Variants in CLOCK observed in about 807,000 individuals in gnomAD.
The protein encoded by CLOCK is circadian locomoter output cycles protein kaput.
CLOCK carries 43 observed loss-of-function variants against 118.4 expected under a neutral mutation model. The observed-to-expected ratio is 0.36, with a 90% CI of 0.28 to 0.47. The LOEUF is 0.47. CLOCK is among the 20% of genes least tolerant of loss of function. CLOCK has a pLI of 1.00. For synonymous variants in CLOCK, 326 were observed against 339.2 expected (o/e 0.96, Z 0.43); for missense variants, 846 against 999.9 (o/e 0.85, Z 2.08).
At chr4:55,544,041 G>T (rs548139837) in intron 1 of CLOCK, among the ~76,000 whole-genome samples, 8 of 152,078 alleles carry the variant, frequency 5.3e-5, no homozygotes, top group African/African-American at 1.9e-4. Context: ...GAGTTTGAGG[G>T]TCCCCTCCCA....
intron 2 of CLOCK, among the ~76,000 whole-genome samples, chr4:55,504,516 T>A (rs1014258021): frequency 6.6e-6 from 1 of 152,128 alleles, no homozygotes; most frequent in Non-Finnish European, 1.5e-5. Flanking sequence ...ATTCTTGAAT[T>A]TCCTTCAAAA....
intron 3 of CLOCK, among the ~76,000 whole-genome samples, chr4:55,487,863 G>C (rs1057111254): frequency 6.6e-6 from 1 of 152,186 alleles, no homozygotes; most frequent in Non-Finnish European, 1.5e-5. Flanking sequence ...CCCTTTTGCA[G>C]TCCCAAATTT....
intron 1 of CLOCK, among the ~76,000 whole-genome samples, chr4:55,517,976 G>C (rs1208087512): frequency 6.6e-6 from 1 of 152,086 alleles, no homozygotes; most frequent in African/African-American, 2.4e-5. Flanking sequence ...GTGGGGGGTG[G>C]GGAGTCGGAT....
rs1172188044 is a variant in CLOCK, at chr4:55,429,432, AATATTCCAAC to A, written c.*5973_*5982del. On this transcript the variant is annotated 3_prime_UTR_variant, in exon 23 of 23. Coordinates refer to ENST00000513440, the MANE Select transcript of CLOCK (RefSeq NM_004898.4). ...AGGATCCTCAAATGTCTAGGTTTCC[AATATTCCAAC>A]ACTGCTTTACTGGGCAGTGCTGTGT... The A allele has an allele frequency of 6.6e-6, 1 of 152,148 alleles. No homozygotes were observed. Among genetic ancestry groups the A allele is most frequent in the Non-Finnish European group, 1.5e-5 (1 of 68,026 alleles). The allele number at this position is 152,148 out of a possible 1,614,324, so 9.4% of individuals were successfully genotyped here.
chr4:55,472,584 T>C (rs932853659), intron 7 of CLOCK, among the ~76,000 whole-genome samples: 1 of 152,184 alleles, frequency 6.6e-6, no homozygotes, highest in Non-Finnish European at 1.5e-5. Context: ...ATAGGAACCA[T>C]GTATATCTTA....
chr4:55,458,356 C>G (rs1039555949), intron 11 of CLOCK, among the ~76,000 whole-genome samples: 1 of 152,200 alleles, frequency 6.6e-6, no homozygotes, highest in Non-Finnish European at 1.5e-5. Flanking sequence ...GTCACCTCGC[C>G]TGGCCCCGCC....
intron 11 of CLOCK, among the ~76,000 whole-genome samples, chr4:55,458,689 A>C (rs1317902630): frequency 6.6e-6 from 1 of 152,168 alleles, no homozygotes; most frequent in Non-Finnish European, 1.5e-5. Context: ...GATATATAAT[A>C]ATCACTGGTT....
chr4:55,471,649 C>T (rs546811944), intron 7 of CLOCK, among the ~76,000 whole-genome samples: 4 of 152,248 alleles, frequency 2.6e-5, no homozygotes, highest in African/African-American at 7.2e-5. Flanking sequence ...GTATTTTATA[C>T]ACTACAATGT....
Position 55,431,860 on chromosome 4 carries a change from G to T in CLOCK, c.*3555C>A, listed in dbSNP as rs968316996. On this transcript the variant is annotated 3_prime_UTR_variant, in exon 23 of 23. Transcript: ENST00000513440. ...TGTCTGCGTAGAGTACTATTTTAAGGATCCCTTTCTAAGGCTTCCTGAACA... is the reference window on the plus strand; with the variant it reads ...TGTCTGCGTAGAGTACTATTTTAAGTATCCCTTTCTAAGGCTTCCTGAACA... 1 of 152,146 alleles carries T rather than the reference G, an allele frequency of 6.6e-6. No homozygotes were observed. 9.4% of individuals were successfully genotyped at this position (152,146 alleles called of 1,614,324 possible). A position where few individuals can be genotyped will look rare whatever the true frequency, so the allele number is the denominator to read the frequency against.
chr4:55,450,906 G>A (rs1724383058), intron 15 of CLOCK, among the ~76,000 whole-genome samples: 1 of 152,108 alleles, frequency 6.6e-6, no homozygotes, highest in Non-Finnish European at 1.5e-5. Context: ...AAGCTGAGAA[G>A]AGAATTGCTT....
At position 55,450,088 on chromosome 4, in the gene CLOCK, C is replaced by CA. The variant is rs1469288196; in HGVS notation, c.1348+2dup. 1 of 1,614,056 alleles carries CA rather than the reference C, an allele frequency of 6.2e-7. No individual in the cohort carries two copies. ...AAGTCTGCTTTGAAGCAAGGGTACT[C>CA]ACAGGAAGGGTCTGAGACGGCCGTG... On this transcript the variant is annotated splice_region_variant and intron_variant, in intron 16 of 22. Transcript: ENST00000513440.
chr4:55,521,760 T>A (rs1194765745), intron 1 of CLOCK, among the ~76,000 whole-genome samples: 1 of 152,224 alleles, frequency 6.6e-6, no homozygotes, highest in African/African-American at 2.4e-5. Flanking sequence ...CATCTATGGA[T>A]GCTATGCAAT....
intron 21 of CLOCK, among the ~76,000 whole-genome samples, chr4:55,442,075 C>CTA (rs1465056161): frequency 1.3e-5 from 2 of 152,066 alleles, no homozygotes; most frequent in African/African-American, 4.8e-5. Context: ...AAAAGGTAAG[C>CTA]TACCCTAACC....
intron 5 of CLOCK, among the ~76,000 whole-genome samples, chr4:55,479,274 TTATAAA>T (rs1231686034): frequency 6.6e-6 from 1 of 152,142 alleles, no homozygotes; most frequent in African/African-American, 2.4e-5. Context: ...TACATGGTTA[TTATAAA>T]TATATGTACT....
Position 55,443,871 on chromosome 4 carries a change from C to T in CLOCK, c.1718G>A (p.Gly573Glu). 1 of 1,612,638 alleles carries T rather than the reference C, an allele frequency of 6.2e-7. No individual in the cohort carries two copies. The highest frequency in any genetic ancestry group is 8.5e-7 in the Non-Finnish European group (1 of 1,179,812). Reference protein sequence around the residue: ...LQMFLQQSNPGLNFGSVQLSS... With the variant: ...LQMFLQQSNPELNFGSVQLSS... The stretch of plus-strand genomic sequence containing the variant: ...AAGTTGAACGGAACCAAAATTCAAC[C>T]CAGGATTTGATTGTTGCAAAAACAT... Residue 573 changes from glycine to glutamate, a missense_variant, in exon 20 of 23, where the codon GGG (glycine) becomes GAG (glutamate). Gly to Glu is a moderately conservative substitution (Grantham distance 98). Transcript: ENST00000513440.
intron 8 of CLOCK, 100 bp downstream of exon 8, chr4:55,470,617 C>T (rs1726068833): frequency 6.3e-6 from 5 of 797,924 alleles, no homozygotes; most frequent in African/African-American, 1.7e-5. Flanking sequence ...ACCCCTTTAA[C>T]GACTGTTGTA....
intron 1 of CLOCK, among the ~76,000 whole-genome samples, chr4:55,515,461 G>A (rs775184438): frequency 1.2e-4 from 19 of 152,204 alleles, no homozygotes; most frequent in South Asian, 4.1e-4. Flanking sequence ...TGCAGCCTCC[G>A]CCTCCCGGGT....
chr4:55,442,685 T>C, intron 20 of CLOCK, 51 bp from the exon 21 acceptor site: 1 of 1,447,606 alleles, frequency 6.9e-7, no homozygotes, highest in Non-Finnish European at 9.6e-7. Flanking sequence ...AATAATTATT[T>C]GGGAAGTATG....
At chr4:55,492,265 C>T (rs980264782) in intron 2 of CLOCK, among the ~76,000 whole-genome samples, 1 of 151,486 alleles carries the variant, frequency 6.6e-6, no homozygotes, top group African/African-American at 2.4e-5. Flanking sequence ...CCATGTGCTA[C>T]ACCACATCAA....
Sources: gnomAD v4.1 joint callset for allele counts (sites outside exome capture counted in the v4.1 genomes callset) on GRCh38, gnomAD v4.1.1 for gene constraint, MANE v1.5 for transcripts, NCBI Gene and HGNC (gene_info 2026-07-23, HGNC 2026-07-21) for gene names.